The following ELF1 variants were observed in gnomAD, a reference collection of about 807,000 sequenced individuals.
ELF1 encodes E74 like ETS transcription factor 1.
ELF1 carries 24 observed loss-of-function variants against 59.9 expected under a neutral mutation model. That is an observed-to-expected ratio of 0.40 (90% confidence interval 0.29 to 0.56). The LOEUF (loss-of-function observed/expected upper bound fraction) is 0.56, where lower values mean the gene tolerates loss of function less well. Ranked by LOEUF, ELF1 falls within the 20% of genes least tolerant of loss-of-function variation. ELF1 has a pLI of 0.44. For synonymous variants in ELF1, 248 were observed against 266.2 expected (o/e 0.93, Z 0.67); for missense variants, 627 against 742.2 (o/e 0.84, Z 1.80).
chr13:41,053,467 G>A (rs1877174488), intron 1 of ELF1, among the ~76,000 whole-genome samples: 1 of 152,156 alleles, frequency 6.6e-6, no homozygotes. Context: ...TCAGTGGCAA[G>A]GGGGTCAATC....
intron 8 of ELF1, among the ~76,000 whole-genome samples, chr13:40,938,404 G>C (rs1023652191): frequency 1.3e-5 from 2 of 152,192 alleles, no homozygotes; most frequent in African/African-American, 2.4e-5. Context: ...AGAAATGAGT[G>C]AAGGACAAAA....
At chr13:41,006,885 T>C (rs1017087995) in intron 1 of ELF1, among the ~76,000 whole-genome samples, 1 of 152,216 alleles carries the variant, frequency 6.6e-6, no homozygotes, top group African/African-American at 2.4e-5. Flanking sequence ...TTGTATAGTA[T>C]ATTTTAAAAC....
intron 3 of ELF1, among the ~76,000 whole-genome samples, chr13:40,952,232 C>T (rs1870901003): frequency 6.6e-6 from 1 of 151,978 alleles, no homozygotes; most frequent in Admixed American, 6.6e-5. Context: ...ACTGAGTAGT[C>T]ATATCTGGAG....
At chr13:40,935,983 A>C (rs760948220) in intron 8 of ELF1, among the ~76,000 whole-genome samples, 1 of 152,178 alleles carries the variant, frequency 6.6e-6, no homozygotes, top group Non-Finnish European at 1.5e-5. Context: ...GCTTCCCATG[A>C]CAAGAGTTTA....
At chr13:40,980,244 T>A (rs1027967663) in intron 2 of ELF1, among the ~76,000 whole-genome samples, 1 of 152,210 alleles carries the variant, frequency 6.6e-6, no homozygotes. Flanking sequence ...TCCAGGAAAG[T>A]GACTTAACCT....
intron 1 of ELF1, among the ~76,000 whole-genome samples, chr13:41,037,088 G>C (rs1876411721): frequency 6.6e-6 from 1 of 151,570 alleles, no homozygotes; most frequent in South Asian, 2.1e-4. Flanking sequence ...ATGTACCCTA[G>C]AACTTAAAGT....
At chr13:41,033,154 A>G (rs1455167950) in intron 1 of ELF1, among the ~76,000 whole-genome samples, 2 of 152,212 alleles carry the variant, frequency 1.3e-5, no homozygotes, top group Non-Finnish European at 2.9e-5. Flanking sequence ...CAAAACAGAG[A>G]AATGAGGAAA....
intron 1 of ELF1, among the ~76,000 whole-genome samples, chr13:41,048,534 G>A (rs1876955202): frequency 6.6e-6 from 1 of 151,976 alleles, no homozygotes; most frequent in East Asian, 1.9e-4. Context: ...TCTCACCTCA[G>A]CCTCCCGAGT....
intron 2 of ELF1, among the ~76,000 whole-genome samples, chr13:40,977,230 TCATA>T (rs1456973887): frequency 6.6e-6 from 1 of 152,042 alleles, no homozygotes; most frequent in Non-Finnish European, 1.5e-5. Flanking sequence ...CTTCTTCTTC[TCATA>T]CATTCACCAT....
intron 1 of ELF1, among the ~76,000 whole-genome samples, chr13:41,027,579 T>A (rs1393482968): frequency 6.6e-6 from 1 of 152,226 alleles, no homozygotes; most frequent in African/African-American, 2.4e-5. Context: ...AGCTACCTGG[T>A]GGCTGCTTCC....
intron 8 of ELF1, among the ~76,000 whole-genome samples, chr13:40,937,194 A>C (rs994052204): frequency 6.6e-6 from 1 of 152,204 alleles, no homozygotes; most frequent in Non-Finnish European, 1.5e-5. Context: ...TGTAATACAG[A>C]TTCTATTACA....
chr13:41,051,723 A>C (rs1054243318), intron 1 of ELF1, among the ~76,000 whole-genome samples: 1 of 152,154 alleles, frequency 6.6e-6, no homozygotes, highest in African/African-American at 2.4e-5. Flanking sequence ...CTCTGGATCA[A>C]AAAGTCACTA....
chr13:40,993,386 A>C (rs560061148), intron 1 of ELF1: 7 of 902,214 alleles, frequency 7.8e-6, no homozygotes, highest in East Asian at 2.4e-5. Flanking sequence ...CAGTGCACCG[A>C]TGGGTCTGGG....
At chr13:41,015,384 C>T (rs1875301635) in intron 1 of ELF1, among the ~76,000 whole-genome samples, 1 of 151,894 alleles carries the variant, frequency 6.6e-6, no homozygotes, top group Admixed American at 6.6e-5. Context: ...GAAAGGAGCC[C>T]AAATGGGTTC....
intron 1 of ELF1, among the ~76,000 whole-genome samples, chr13:40,999,209 A>G (rs146914699): frequency 2.0e-5 from 3 of 152,326 alleles, no homozygotes; most frequent in Admixed American, 2.0e-4. Flanking sequence ...GTTTTTTGCA[A>G]CAAGACCGAG....
chr13:40,955,330 G>C (rs1218713529), intron 3 of ELF1, among the ~76,000 whole-genome samples: 2 of 145,176 alleles, frequency 1.4e-5, no homozygotes, highest in African/African-American at 5.2e-5. Flanking sequence ...AGGTGGGGGG[G>C]TTAGCCCCCC....
chr13:40,959,348 T>C (rs922685236), intron 2 of ELF1, among the ~76,000 whole-genome samples: 4 of 151,780 alleles, frequency 2.6e-5, no homozygotes, highest in Admixed American at 1.3e-4. Flanking sequence ...ATACAAAAAT[T>C]AGCTGGGCAC....
At chr13:40,978,369 C>G (rs1873046072) in intron 2 of ELF1, among the ~76,000 whole-genome samples, 1 of 148,522 alleles carries the variant, frequency 6.7e-6, no homozygotes, top group African/African-American at 2.5e-5. Flanking sequence ...CGAGGCAAGA[C>G]TCAGTCTCAA....
upstream of ELF1, among the ~76,000 whole-genome samples, chr13:41,019,620 T>A (rs1379835775): frequency 3.3e-5 from 5 of 152,166 alleles, no homozygotes; most frequent in East Asian, 5.8e-4. Flanking sequence ...TCTCAATTTT[T>A]AAAAGTTGCT....
Sources: allele counts gnomAD v4.1 joint callset (sites outside exome capture counted in the v4.1 genomes callset), GRCh38; gene constraint gnomAD v4.1.1; transcripts MANE v1.5; gene names NCBI Gene and HGNC (gene_info 2026-07-23, HGNC 2026-07-21).